NFATC4: variants seen among roughly 807,000 people sequenced by gnomAD.
NFATC4 encodes the protein nuclear factor of activated T-cells, cytoplasmic 4.
NFATC4 carries 25 observed loss-of-function variants against 73.4 expected under a neutral mutation model. That is an observed-to-expected ratio of 0.34 (90% CI 0.25 to 0.48). The LOEUF is 0.48. NFATC4 is among the 20% of genes least tolerant of loss of function. The pLI, the probability that NFATC4 is intolerant of heterozygous loss-of-function variation, is 0.99. For synonymous variants in NFATC4, 523 were observed against 510.3 expected (o/e 1.02, Z -0.34); for missense variants, 1,130 against 1,203.7 (o/e 0.94, Z 0.91).
chr14:24,375,590 A>C (rs2042590527), intron 6 of NFATC4, 70 bp from the exon 7 acceptor site: 1 of 1,521,080 alleles, frequency 6.6e-7, no homozygotes, highest in Non-Finnish European at 8.9e-7. Context: ...AGGAGGGGAA[A>C]TGGCAGAGAA....
intron 6 of NFATC4, among the ~76,000 whole-genome samples, chr14:24,374,953 T>C (rs2042571697): frequency 6.6e-6 from 1 of 151,602 alleles, no homozygotes; most frequent in African/African-American, 2.4e-5. Flanking sequence ...AGAGCCTCAG[T>C]CCCTATATTC....
chr14:24,367,966 C>T (rs2042350224), upstream of NFATC4: 3 of 1,130,182 alleles, frequency 2.7e-6, no homozygotes, highest in Admixed American at 1.0e-4. Flanking sequence ...ATTAGTATCA[C>T]TCTTGAAGGA....
chr14:24,376,681 C>T lies in NFATC4; in HGVS notation c.2444C>T (p.Pro815Leu), dbSNP rs2042632464. ...FSPPAPFRPP[P>L]LPASPPLEGP... ...CCGCCAGCCCCCTTTCGGCCGCCTC[C>T]TCTTCCTGCATCCCCACCGCTTGAA... Residue 815 changes from proline (P) to leucine (L), a missense_variant, in exon 9 of 10, where the codon CCT (proline) becomes CTT (leucine). Transcript: ENST00000250373. The surrounding 1 kb of genome is among the most constrained non-coding windows in gnomAD (Gnocchi z 5.0). 1 of 1,613,720 alleles carries T rather than the reference C, an allele frequency of 6.2e-7. No homozygotes were observed. Among genetic ancestry groups the T allele is most frequent in the East Asian group, 2.2e-5 (1 of 44,860 alleles).
At chr14:24,371,696 CT>C (rs370393607) in intron 2 of NFATC4, 13 of 150,534 alleles carry the variant, frequency 8.6e-5, no homozygotes, top group South Asian at 2.1e-4. Flanking sequence ...CTCTCTCTCT[CT>C]TTTTTTTTTC....
Position 24,377,018 on chromosome 14 carries a change from G to A in NFATC4, c.2641+140G>A. The A allele has an allele frequency of 7.2e-7, 1 of 1,393,400 alleles. No individual in the cohort carries two copies. Among genetic ancestry groups the A allele is most frequent in the Non-Finnish European group, 9.3e-7 (1 of 1,079,490 alleles). 86.3% of individuals were successfully genotyped at this position (1,393,400 alleles called of 1,614,324 possible). A position where few individuals can be genotyped will look rare whatever the true frequency, so the allele number is the denominator to read the frequency against. Reference sequence around the variant, plus strand: ...CCAGTTGGAGGTTCCCAGGAGGCATGTTCTTGATGCCTGTGGCTGCCTGAA... The same window carrying A: ...CCAGTTGGAGGTTCCCAGGAGGCATATTCTTGATGCCTGTGGCTGCCTGAA... On this transcript the variant is annotated intron_variant, in intron 9 of 9. Coordinates refer to ENST00000250373, the MANE Select transcript of NFATC4 (RefSeq NM_004554.5). This position sits in a 1 kb window ranked among gnomAD's most constrained non-coding sequence, Gnocchi z 4.2.
At position 24,370,568 on chromosome 14, in the gene NFATC4, G is replaced by A. The variant is rs2139286100; in HGVS notation, c.1170G>A (p.Arg390=). The A allele has an allele frequency of 6.2e-7, 1 of 1,611,410 alleles. No homozygotes were observed. The highest frequency in any genetic ancestry group is 8.5e-7 in the Non-Finnish European group (1 of 1,177,786). The change falls in exon 2 of 10, where the codon CGG becomes CGA. Residue 390 remains arginine, a synonymous_variant. Transcript: ENST00000250373. ...VPSPLAWSKA[R]IGGHSPIFRT... ...CCCCACTCGCTTGGTCCAAGGCCCG[G>A]ATTGGGGGACACAGCCCTATCTTCA...
intron 2 of NFATC4, chr14:24,372,157 G>A: frequency 2.6e-6 from 1 of 389,426 alleles, no homozygotes; most frequent in Non-Finnish European, 4.6e-6. Flanking sequence ...CTCAGAGCTG[G>A]GAAGAAGGGA....
chr14:24,377,111 G>C lies in NFATC4; in HGVS notation c.2641+233G>C. 2 of 1,310,866 alleles carry C rather than the reference G, an allele frequency of 1.5e-6. No individual in the cohort carries two copies. The highest frequency in any genetic ancestry group is 1.9e-6 in the Non-Finnish European group (2 of 1,035,600). The allele number at this position is 1,310,866 out of a possible 1,614,324, so 81.2% of individuals were successfully genotyped here. A position where few individuals can be genotyped will look rare whatever the true frequency, so the allele number is the denominator to read the frequency against. ...CAGCCTTTCTCCTGTCTCTGCCTCT[G>C]TCCTCTGCTCCAAATCATAAAATCT... On this transcript the variant is annotated intron_variant, in intron 9 of 9. Transcript: ENST00000250373. The surrounding 1 kb of genome is among the most constrained non-coding windows in gnomAD (Gnocchi z 4.2).
At chr14:24,375,851 C>G (rs1400836738) in intron 7 of NFATC4, 124 bp from the exon 8 acceptor site, 2 of 1,546,250 alleles carry the variant, frequency 1.3e-6, no homozygotes, top group South Asian at 1.1e-5. Flanking sequence ...AGGTGCATCT[C>G]TAGGGAATGA....
Position 24,375,663 on chromosome 14 carries a change from G to A in NFATC4, c.1877G>A (p.Gly626Glu), listed in dbSNP as rs773904881. 1 of 1,553,468 alleles carries A rather than the reference G, an allele frequency of 6.4e-7. No homozygotes were observed. Among genetic ancestry groups the A allele is most frequent in the Non-Finnish European group, 8.7e-7 (1 of 1,147,286 alleles). ...GCTCTCTGTTCCCTCTGGACAGATG[G>A]GAAGCTGCAATGGGAGGAGGAGGCC... is the stretch of plus-strand genomic sequence containing the variant. ...KVVFIERGPDGKLQWEEEATV... is the reference protein window; with the variant it reads ...KVVFIERGPDEKLQWEEEATV... Residue 626 changes from glycine to glutamate, a missense_variant, in exon 7 of 10, where the codon GGG becomes GAG. Coordinates refer to ENST00000250373, the MANE Select transcript of NFATC4 (RefSeq NM_004554.5).
intron 2 of NFATC4, chr14:24,371,953 C>CTCCCAAAG (rs1488696635): frequency 6.5e-6 from 1 of 153,890 alleles, no homozygotes; most frequent in Non-Finnish European, 1.4e-5. Context: ...CTGCCTTGGC[C>CTCCCAAAG]TCCCAAAGTG....
At position 24,377,237 on chromosome 14, in the gene NFATC4, G is replaced by A; in HGVS notation, c.2641+359G>A. 1 of 1,255,358 alleles carries A rather than the reference G, an allele frequency of 8.0e-7. No individual in the cohort carries two copies. Among genetic ancestry groups the A allele is most frequent in the Non-Finnish European group, 1.0e-6 (1 of 1,001,048 alleles). 77.8% of individuals were successfully genotyped at this position (1,255,358 alleles called of 1,614,324 possible). A position where few individuals can be genotyped will look rare whatever the true frequency, so the allele number is the denominator to read the frequency against. ...GGGATGGTAGCTTGCTGAGGTCCCA[G>A]TCAAGCACACTTGCCATTGCCTCAG... On this transcript the variant is annotated intron_variant, in intron 9 of 9. Coordinates refer to ENST00000250373, the MANE Select transcript of NFATC4 (RefSeq NM_004554.5). This position sits in a 1 kb window ranked among gnomAD's most constrained non-coding sequence, Gnocchi z 4.2.
At chr14:24,374,504 A>T in intron 6 of NFATC4, 38 bp downstream of exon 6, 1 of 1,570,570 alleles carries the variant, frequency 6.4e-7, no homozygotes, top group Non-Finnish European at 8.7e-7. Context: ...AGGCAGGGAG[A>T]GCTTGGGAGT....
chr14:24,377,055 G>A lies in NFATC4; in HGVS notation c.2641+177G>A. The stretch of plus-strand genomic sequence containing the variant: ...TGTGGCTGCCTGAATCCAATTAACT[G>A]AATTCTGAAGAGTGCATGGGGTAAC... On this transcript the variant is annotated intron_variant, in intron 9 of 9. Transcript: ENST00000250373. The surrounding 1 kb of genome is among the most constrained non-coding windows in gnomAD (Gnocchi z 4.2). 7.2e-7 allele frequency: 1 copy of A among 1,380,454 alleles called. No homozygotes were observed. Among genetic ancestry groups the A allele is most frequent in the Non-Finnish European group, 9.3e-7 (1 of 1,073,362 alleles). The allele number at this position is 1,380,454 out of a possible 1,614,324, so 85.5% of individuals were successfully genotyped here.
chr14:24,367,252 A>G (rs754735978), upstream of NFATC4: 1 of 1,588,222 alleles, frequency 6.3e-7, no homozygotes, highest in Non-Finnish European at 8.6e-7. Context: ...GGGGGGGCCA[A>G]GGAGGGGGAA....
rs1465276153 is a variant in NFATC4, at chr14:24,374,048, G to A, written c.1732+181G>A. The A allele has an allele frequency of 5.0e-6, 5 of 993,310 alleles. No individual in the cohort carries two copies. The East Asian group carries it at 1.3e-4, about 26-fold the overall frequency. The allele number at this position is 993,310 out of a possible 1,614,324, so 61.5% of individuals were successfully genotyped here. ...CTGCCACAGACTCTGTCTCTGGGGT[G>A]GCCCAGAGTGACACTGGACCCTATC... On this transcript the variant is annotated intron_variant, in intron 5 of 9. Coordinates refer to ENST00000250373, the MANE Select transcript of NFATC4 (RefSeq NM_004554.5).
At chr14:24,372,304 A>T in intron 2 of NFATC4, 137 bp from the exon 3 acceptor site, 1 of 888,918 alleles carries the variant, frequency 1.1e-6, no homozygotes. Context: ...TTCTTTTCAC[A>T]AGTGTTAATG....
intron 6 of NFATC4, 92 bp downstream of exon 6, chr14:24,374,558 G>A (rs999231761): frequency 2.3e-6 from 3 of 1,307,320 alleles, no homozygotes; most frequent in Non-Finnish European, 3.2e-6. Context: ...CTGGCCAGTG[G>A]AGCCTCAGTT....
chr14:24,373,095 G>A lies in NFATC4; in HGVS notation c.1360-76G>A, dbSNP rs1204117776. On this transcript the variant is annotated intron_variant, in intron 3 of 9. Coordinates refer to ENST00000250373, the MANE Select transcript of NFATC4 (RefSeq NM_004554.5). The surrounding 1 kb of genome is among the most constrained non-coding windows in gnomAD (Gnocchi z 4.7). The stretch of plus-strand genomic sequence containing the variant: ...CTTTCACCATTCCCATCCCATGGTA[G>A]ACTGAAAATCTAGGGATGAATAAAG... The A allele has an allele frequency of 7.0e-7, 1 of 1,436,216 alleles. No homozygotes were observed. Among genetic ancestry groups the A allele is most frequent in the Admixed American group, 1.8e-5 (1 of 55,876 alleles). The allele number at this position is 1,436,216 out of a possible 1,614,324, so 89.0% of individuals were successfully genotyped here.
Sources: gnomAD v4.1 joint callset for allele counts (sites outside exome capture counted in the v4.1 genomes callset) on GRCh38, gnomAD v4.1.1 for gene constraint, Gnocchi (gnomAD v3.1) non-coding constraint, MANE v1.5 for transcripts, NCBI Gene and HGNC (gene_info 2026-07-23, HGNC 2026-07-21) for gene names.